Variants in CNTNAP2 observed in about 807,000 individuals in gnomAD.
CNTNAP2 encodes contactin-associated protein-like 2.
CNTNAP2 carries 98 observed loss-of-function variants against 155.2 expected under a neutral mutation model. The ratio of observed to expected loss-of-function variants is 0.63; its 90% CI spans 0.54 to 0.75. CNTNAP2 has a LOEUF of 0.75. Among genes scored for constraint, CNTNAP2 ranks in the 30% least tolerant of loss-of-function variants. CNTNAP2 has a pLI of 0.00. For synonymous variants in CNTNAP2, 651 were observed against 631.2 expected (o/e 1.03, Z -0.47); for missense variants, 1,727 against 1,688.1 (o/e 1.02, Z -0.40).
intron 3 of CNTNAP2, among the ~76,000 whole-genome samples, chr7:147,009,975 C>G (rs1798593235): frequency 6.7e-6 from 1 of 149,716 alleles, no homozygotes; most frequent in African/African-American, 2.4e-5. Flanking sequence ...GCTCCAGTAT[C>G]ATTGAACACA....
At chr7:147,594,586 G>C (rs749460748) in intron 12 of CNTNAP2, among the ~76,000 whole-genome samples, 5 of 152,030 alleles carry the variant, frequency 3.3e-5, no homozygotes. Context: ...TTATTTTCTG[G>C]GTTTTCGCCT....
At chr7:146,713,174 C>T (rs1430127268) in intron 1 of CNTNAP2, among the ~76,000 whole-genome samples, 3 of 151,880 alleles carry the variant, frequency 2.0e-5, no homozygotes, top group Admixed American at 6.6e-5. Context: ...AGATACAGTA[C>T]AAAATACTGA....
chr7:147,612,648 G>A (rs531614783), intron 12 of CNTNAP2, among the ~76,000 whole-genome samples: 16 of 152,084 alleles, frequency 1.1e-4, no homozygotes, highest in East Asian at 1.9e-4. Context: ...CAATCTGCCC[G>A]CCTTGGCCTC....
At chr7:147,647,841 T>C (rs992973952) in intron 13 of CNTNAP2, among the ~76,000 whole-genome samples, 2 of 152,104 alleles carry the variant, frequency 1.3e-5, no homozygotes, top group African/African-American at 2.4e-5. Context: ...CTAAGGGAGA[T>C]GGGTATTTAA....
rs34304342 is a variant in CNTNAP2, at chr7:147,245,761, C to CAAAAAA, written c.1349-54361_1349-54356dup. ...TAGGCAAAAGAGTAAGACTCTGTCT[C>CAAAAAA]AAAAAAAAAAAAAAAAAAAAAAAAT... On this transcript the variant is annotated intron_variant, in intron 8 of 23. Transcript: ENST00000361727. Among the ~76,000 whole-genome samples, 554 of 85,186 alleles carry CAAAAAA rather than the reference C, an allele frequency of 6.5e-3. 20 individuals are homozygous for CAAAAAA. The highest frequency in any genetic ancestry group is 0.023 in the African/African-American group (500 of 21,570). 55.9% of individuals were successfully genotyped at this position (85,186 alleles called of 152,430 possible).
chr7:147,727,325 C>G (rs1525258), intron 13 of CNTNAP2, among the ~76,000 whole-genome samples: 149,691 of 152,030 alleles, frequency 0.98, 73,721 homozygotes, highest in East Asian at 1. Flanking sequence ...GAATATGAGA[C>G]CTAGTTTAGG....
At chr7:147,468,726 A>G (rs1798161523) in intron 10 of CNTNAP2, among the ~76,000 whole-genome samples, 1 of 152,148 alleles carries the variant, frequency 6.6e-6, no homozygotes, top group African/African-American at 2.4e-5. Context: ...GTGTACAAAT[A>G]TGTTAGAAAA....
At chr7:147,135,825 C>T (rs1269853322) in intron 8 of CNTNAP2, among the ~76,000 whole-genome samples, 2 of 148,804 alleles carry the variant, frequency 1.3e-5, no homozygotes, top group African/African-American at 4.9e-5. Context: ...ATTTCATGTC[C>T]TAAATACAGT....
At position 147,728,144 on chromosome 7, in the gene CNTNAP2, A is replaced by G. The variant is rs377045311; in HGVS notation, c.2098+88838A>G. On this transcript the variant is annotated intron_variant, in intron 13 of 23. Coordinates refer to ENST00000361727, the MANE Select transcript of CNTNAP2 (RefSeq NM_014141.6). ...ACGACTTTTCAGATAACAATGATGA[A>G]TACTACTTTATATATGTATACACAC... Among the ~76,000 whole-genome samples, 10 of 137,526 alleles carry G rather than the reference A, an allele frequency of 7.3e-5. No individual in the cohort carries two copies. The East Asian group carries it at 2.2e-3, about 30-fold the overall frequency. The allele number at this position is 137,526 out of a possible 152,430, so 90.2% of individuals were successfully genotyped here. A position where few individuals can be genotyped will look rare whatever the true frequency, so the allele number is the denominator to read the frequency against.
At chr7:148,260,843 T>G (rs1258398726) in intron 20 of CNTNAP2, among the ~76,000 whole-genome samples, 2 of 152,156 alleles carry the variant, frequency 1.3e-5, no homozygotes, top group African/African-American at 2.4e-5. Flanking sequence ...TTTACAGGCA[T>G]GTGAGGGCCT....
chr7:148,268,341 G>A (rs1796711843), intron 21 of CNTNAP2, among the ~76,000 whole-genome samples: 1 of 152,048 alleles, frequency 6.6e-6, no homozygotes, highest in Admixed American at 6.5e-5. Flanking sequence ...TGAGGAGTGA[G>A]TAGGAGACTG....
chr7:148,196,166 A>G (rs1795274486), intron 18 of CNTNAP2, among the ~76,000 whole-genome samples: 1 of 152,212 alleles, frequency 6.6e-6, no homozygotes, highest in Non-Finnish European at 1.5e-5. Context: ...CCCAGAGTTG[A>G]GCAATTTCAG....
intron 20 of CNTNAP2, among the ~76,000 whole-genome samples, chr7:148,261,724 T>G (rs571757830): frequency 6.6e-6 from 1 of 152,164 alleles, no homozygotes; most frequent in African/African-American, 2.4e-5. Context: ...ACCAGGGCGG[T>G]TCAGACACAC....
intron 13 of CNTNAP2, among the ~76,000 whole-genome samples, chr7:147,790,963 C>G (rs1797810025): frequency 6.6e-6 from 1 of 152,200 alleles, no homozygotes; most frequent in South Asian, 2.1e-4. Context: ...CTCATTTTTA[C>G]CAAAGCCTAC....
rs1266668224 is a variant in CNTNAP2 at position 146,439,784 on chromosome 7, AAAATTAGC to A, written c.97+322813_97+322820del. Among the ~76,000 whole-genome samples the A allele has an allele frequency of 6.6e-5, 10 of 151,570 alleles. 2 individuals are homozygous for A. Among genetic ancestry groups the A allele is most frequent in the African/African-American group, 2.4e-4 (10 of 40,842 alleles). ...AAACACCTTTCCTTACATTGTATGC[AAAATTAGC>A]ATATTTTTCTGGATTTATGAAACAA... is the stretch of plus-strand genomic sequence containing the variant. On this transcript the variant is annotated intron_variant, in intron 1 of 23. Coordinates refer to ENST00000361727, the MANE Select transcript of CNTNAP2 (RefSeq NM_014141.6).
intron 13 of CNTNAP2, among the ~76,000 whole-genome samples, chr7:147,852,613 A>T (rs1429095669): frequency 1.3e-5 from 2 of 152,208 alleles, no homozygotes; most frequent in Non-Finnish European, 2.9e-5. Flanking sequence ...GTTTTCATTC[A>T]TTGCAAGAAT....
At chr7:148,205,689 A>G (rs1194619991) in intron 18 of CNTNAP2, among the ~76,000 whole-genome samples, 1 of 152,256 alleles carries the variant, frequency 6.6e-6, no homozygotes, top group Non-Finnish European at 1.5e-5. Flanking sequence ...ATACGCACAC[A>G]AAAGAACCCT....
intron 1 of CNTNAP2, among the ~76,000 whole-genome samples, chr7:146,363,874 C>T (rs1021048798): frequency 5.9e-5 from 9 of 151,816 alleles, no homozygotes; most frequent in Admixed American, 3.3e-4. Context: ...CTGGGGATGC[C>T]GAAGAGAAAA....
chr7:147,125,676 A>C (rs866767031), intron 6 of CNTNAP2, among the ~76,000 whole-genome samples: 1 of 152,234 alleles, frequency 6.6e-6, no homozygotes. Flanking sequence ...AATCAGTCAC[A>C]GGAGGAGAAG....
Sources: gnomAD v4.1 joint callset for allele counts (sites outside exome capture counted in the v4.1 genomes callset) on GRCh38, gnomAD v4.1.1 for gene constraint, MANE v1.5 for transcripts, NCBI Gene and HGNC (gene_info 2026-07-23, HGNC 2026-07-21) for gene names.